The following PTPRD variants were observed in gnomAD, a reference collection of about 807,000 sequenced individuals.
PTPRD encodes receptor-type tyrosine-protein phosphatase delta.
In PTPRD, 34 loss-of-function variants were observed where a neutral mutation model predicts 214.5. The observed-to-expected ratio is 0.16, with a 90% CI of 0.12 to 0.21. The LOEUF is 0.21. Ranked by LOEUF, PTPRD falls within the 10% of genes least tolerant of loss-of-function variation. PTPRD has a pLI of 1.00. For missense variants in PTPRD, 2,545 were observed against 2,398.7 expected, an observed-to-expected ratio of 1.06 and a Z score of -1.27; for synonymous variants, 1,128 against 845.7, an observed-to-expected ratio of 1.33 and a Z score of -5.79.
intron 3 of PTPRD, among the ~76,000 whole-genome samples, chr9:10,228,584 T>C (rs1007842035): frequency 3.3e-5 from 5 of 151,886 alleles, no homozygotes; most frequent in African/African-American, 1.2e-4. Context: ...ATATTTGCCA[T>C]CAGCTACCTA....
chr9:8,938,323 C>T (rs78172352), intron 11 of PTPRD, among the ~76,000 whole-genome samples: 2,881 of 152,026 alleles, frequency 0.019, 91 homozygotes, highest in African/African-American at 0.064. Context: ...GAGGAGAGAA[C>T]ACAAGATGAC....
intron 11 of PTPRD, among the ~76,000 whole-genome samples, chr9:8,836,330 G>A (rs533159394): frequency 4.6e-5 from 7 of 152,202 alleles, no homozygotes; most frequent in Admixed American, 6.5e-5. Context: ...AAGAAAGAGA[G>A]CCCTTGGCAC....
chr9:8,322,174 T>G (rs900356434), intron 44 of PTPRD, among the ~76,000 whole-genome samples: 1 of 152,160 alleles, frequency 6.6e-6, no homozygotes, highest in Non-Finnish European at 1.5e-5. Flanking sequence ...CAGGCCTCCC[T>G]ATTCCTTGAG....
At chr9:10,569,176 A>G (rs1326086274) in intron 2 of PTPRD, among the ~76,000 whole-genome samples, 1 of 152,168 alleles carries the variant, frequency 6.6e-6, no homozygotes, top group Non-Finnish European at 1.5e-5. Flanking sequence ...AAAAATGCTC[A>G]TCATCACTGG....
chr9:10,478,826 C>A (rs1382884263), intron 2 of PTPRD, among the ~76,000 whole-genome samples: 1 of 151,540 alleles, frequency 6.6e-6, no homozygotes, highest in African/African-American at 2.4e-5. Flanking sequence ...TTGCATTTCC[C>A]TTATGATAAC....
In PTPRD at chr9:9,140,659, G is replaced by A. The variant is rs543515360; in HGVS notation, c.-143+42645C>T. On this transcript the variant is annotated intron_variant, in intron 10 of 45. Transcript: ENST00000381196. ...AGAGGCGCGATCTCGGCTCACTGCA[G>A]GCTTCGCCTCCCGGGTTCACGCCAT... 3.7e-4 allele frequency among the ~76,000 whole-genome samples: 56 copies of A among 152,280 alleles called. 1 individual carries two copies. The Middle Eastern group carries it at 0.017, about 46-fold the overall frequency.
At chr9:8,543,499 A>G (rs1427818577) in intron 14 of PTPRD, among the ~76,000 whole-genome samples, 1 of 152,172 alleles carries the variant, frequency 6.6e-6, no homozygotes, top group African/African-American at 2.4e-5. Flanking sequence ...AAGAATGTGT[A>G]TTTCAGCCAC....
intron 4 of PTPRD, among the ~76,000 whole-genome samples, chr9:9,989,504 A>G (rs1018964205): frequency 1.3e-5 from 2 of 152,074 alleles, no homozygotes; most frequent in African/African-American, 4.8e-5. Flanking sequence ...TCAGCCTGGG[A>G]CAGCCGAACT....
At chr9:9,931,782 A>C (rs1238575983) in intron 5 of PTPRD, among the ~76,000 whole-genome samples, 1 of 151,794 alleles carries the variant, frequency 6.6e-6, no homozygotes, top group African/African-American at 2.4e-5. Context: ...CAGGGCACAG[A>C]CAAACAAAAA....
At chr9:10,534,695 T>G (rs980799417) in intron 2 of PTPRD, among the ~76,000 whole-genome samples, 1 of 152,162 alleles carries the variant, frequency 6.6e-6, no homozygotes, top group Non-Finnish European at 1.5e-5. Flanking sequence ...CGGCAAATGC[T>G]ACTATCTACT....
chr9:8,943,566 TTTTA>T (rs1190009429), intron 11 of PTPRD, among the ~76,000 whole-genome samples: 5 of 146,370 alleles, frequency 3.4e-5, no homozygotes, highest in African/African-American at 9.8e-5. Context: ...TTTTTAATAA[TTTTA>T]TTTATTTTAT....
At chr9:8,441,851 C>A (rs1166826141) in intron 34 of PTPRD, among the ~76,000 whole-genome samples, 2 of 152,170 alleles carry the variant, frequency 1.3e-5, no homozygotes, top group Non-Finnish European at 2.9e-5. Flanking sequence ...GGAATCTGAT[C>A]CCATACCCCG....
At position 8,594,970 on chromosome 9, in the gene PTPRD, CTCCTGCCTCAGACTCCTGAGTAGCTGG is replaced by C. The variant is rs552842229; in HGVS notation, c.352+38320_352+38346del. The stretch of plus-strand genomic sequence containing the variant: ...CTCCGCCTCCCAGGTTCACTCCATT[CTCCTGCCTCAGACTCCTGAGTAGCTGG>C]AACTACAGGCCCCCACCATCATGCC... On this transcript the variant is annotated intron_variant, in intron 14 of 45. Transcript: ENST00000381196. Among the ~76,000 whole-genome samples, 41 of 149,038 alleles carry C rather than the reference CTCCTGCCTCAGACTCCTGAGTAGCTGG, an allele frequency of 2.8e-4. No homozygotes were observed. In the East Asian group the frequency reaches 6.9e-3, roughly 25 times the overall value.
intron 5 of PTPRD, among the ~76,000 whole-genome samples, chr9:9,881,478 C>T (rs1161302892): frequency 1.3e-5 from 2 of 152,122 alleles, no homozygotes; most frequent in African/African-American, 4.8e-5. Flanking sequence ...TACATTATTT[C>T]TCCTCCACCG....
At chr9:10,515,653 T>C (rs946857664) in intron 2 of PTPRD, among the ~76,000 whole-genome samples, 13 of 152,026 alleles carry the variant, frequency 8.6e-5, no homozygotes, top group Non-Finnish European at 1.5e-4. Flanking sequence ...ACAGTCTTGT[T>C]AACTCTAGGC....
intron 14 of PTPRD, among the ~76,000 whole-genome samples, chr9:8,561,074 T>C (rs2086080473): frequency 6.6e-6 from 1 of 152,134 alleles, no homozygotes; most frequent in African/African-American, 2.4e-5. Context: ...AAAAATTAAA[T>C]CCTTGGACCA....
At chr9:9,774,191 C>A (rs1033182804) in intron 5 of PTPRD, among the ~76,000 whole-genome samples, 9 of 152,178 alleles carry the variant, frequency 5.9e-5, no homozygotes, top group Admixed American at 2.6e-4. Context: ...TCTTCAGGTG[C>A]TACTTGGCTC....
At chr9:10,113,954 T>C (rs1591517377) in intron 3 of PTPRD, among the ~76,000 whole-genome samples, 1 of 152,184 alleles carries the variant, frequency 6.6e-6, no homozygotes, top group East Asian at 1.9e-4. Flanking sequence ...AGAATGTTTG[T>C]AAAAAATGAA....
At chr9:8,993,513 G>T (rs2099385540) in intron 11 of PTPRD, among the ~76,000 whole-genome samples, 1 of 152,016 alleles carries the variant, frequency 6.6e-6, no homozygotes, top group South Asian at 2.1e-4. Flanking sequence ...TATAATGTAT[G>T]TATAGTCTGA....
Sources: allele counts gnomAD v4.1 joint callset (sites outside exome capture counted in the v4.1 genomes callset), GRCh38; gene constraint gnomAD v4.1.1; transcripts MANE v1.5; gene names NCBI Gene and HGNC (gene_info 2026-07-23, HGNC 2026-07-21).